DLL3: variants seen among roughly 807,000 people sequenced by gnomAD.
DLL3 encodes delta like canonical Notch ligand 3, also known as delta-like protein 3.
A neutral mutation model predicts 55.0 loss-of-function variants in DLL3; 49 were observed. The ratio of observed to expected loss-of-function variants is 0.89; its 90% CI spans 0.71 to 1.13. DLL3 has a LOEUF of 1.13. DLL3 is among the 50% of genes most tolerant of loss of function. The pLI is 0.00. For missense variants in DLL3, 962 were observed against 875.5 expected (o/e 1.10, Z -1.25); for synonymous variants, 421 against 385.2 (o/e 1.09, Z -1.09).
rs1234536601 is a variant in DLL3, at chr19:39,502,822, C to G, written c.417C>G (p.Ala139=). 1 of 1,419,114 alleles carries G rather than the reference C, an allele frequency of 7.0e-7. No homozygotes were observed. Among genetic ancestry groups the G allele is most frequent in the African/African-American group, 1.5e-5 (1 of 67,068 alleles). The allele number at this position is 1,419,114 out of a possible 1,614,324, so 87.9% of individuals were successfully genotyped here. The part of the protein sequence containing the change: ...EELGDQIGGP[A]WSLLARVAGR... ...CTTTGCCTGTCCTCGCAGGGCCCGC[C>G]TGGAGCCTGCTGGCGCGCGTGGCTG... The change falls in exon 4 of 9, where the codon GCC becomes GCG. Residue 139 remains alanine, a synonymous_variant. Coordinates refer to ENST00000356433, the MANE Select transcript of DLL3 (RefSeq NM_203486.3).
In DLL3 at chr19:39,499,419, T is replaced by C. The variant is rs779324408; in HGVS notation, c.297T>C (p.Pro99=). ...VYTEQPGAPA[P]DLPLPDGLLQ... Reference sequence around the variant, plus strand: ...CCGAGCAGCCCGGAGCGCCCGCGCCTGATCTCCCACTGCCCGACGGCCTCT... The same window carrying C: ...CCGAGCAGCCCGGAGCGCCCGCGCCCGATCTCCCACTGCCCGACGGCCTCT... The change falls in exon 2 of 9, where the codon CCT becomes CCC. Residue 99 remains proline (P), a synonymous_variant. Transcript: ENST00000356433. 1.3e-6 allele frequency: 2 copies of C among 1,589,616 alleles called. No homozygotes were observed. The highest frequency in any genetic ancestry group is 3.4e-5 in the Admixed American group (2 of 58,976).
chr19:39,503,887 C>T (rs1376838968), intron 4 of DLL3, among the ~76,000 whole-genome samples, 184 bp from the exon 5 acceptor site: 3 of 152,212 alleles, frequency 2.0e-5, no homozygotes, highest in East Asian at 1.9e-4. Flanking sequence ...CTGTGGGCCT[C>T]AGTTTCCCTA....
In DLL3 at chr19:39,503,001, G is replaced by T. The variant is rs1260182172; in HGVS notation, c.596G>T (p.Arg199Leu). ...TGCCGTCCGCGCAGCGCCCCCTCGC[G>T]GTGCGGTCCGGGACTGCGCCCCTGC... ...RLCRPRSAPS[R>L]CGPGLRPCAP... The change falls in exon 4 of 9, where the codon CGG becomes CTG. Residue 199 changes from arginine (R) to leucine (L), a missense_variant. Coordinates refer to ENST00000356433, the MANE Select transcript of DLL3 (RefSeq NM_203486.3). The T allele has an allele frequency of 1.3e-6, 2 of 1,484,256 alleles. No individual in the cohort carries two copies. Among genetic ancestry groups the T allele is most frequent in the Non-Finnish European group, 1.8e-6 (2 of 1,125,272 alleles). 91.9% of individuals were successfully genotyped at this position (1,484,256 alleles called of 1,614,324 possible). A position where few individuals can be genotyped will look rare whatever the true frequency, so the allele number is the denominator to read the frequency against.
chr19:39,502,904 G>A lies in DLL3; in HGVS notation c.499G>A (p.Ala167Thr). Residue 167 changes from alanine (A) to threonine (T), a missense_variant, in exon 4 of 9, where the codon GCC (alanine) becomes ACC (threonine). Coordinates refer to ENST00000356433, the MANE Select transcript of DLL3 (RefSeq NM_203486.3). The stretch of plus-strand genomic sequence containing the variant: ...GGCCCGGGACATTCAGCGCGCAGGC[G>A]CCTGGGAGCTGCGCTTCTCGTACCG... ...PWARDIQRAG[A>T]WELRFSYRAR... 1 of 1,444,808 alleles carries A rather than the reference G, an allele frequency of 6.9e-7. No homozygotes were observed. The highest frequency in any genetic ancestry group is 9.1e-7 in the Non-Finnish European group (1 of 1,104,164). The allele number at this position is 1,444,808 out of a possible 1,614,324, so 89.5% of individuals were successfully genotyped here.
At chr19:39,505,652 C>T in intron 6 of DLL3, 2 of 607,836 alleles carry the variant, frequency 3.3e-6, no homozygotes, top group Non-Finnish European at 5.8e-6. Context: ...TACTGTGTGC[C>T]AGGCCCTATT....
rs1171545445 is a variant in DLL3 at position 39,508,190 on chromosome 19, CGGGGAGGCA to C, written c.1759-51_1759-43del. The C allele has an allele frequency of 7.8e-5, 126 of 1,614,048 alleles. 3 individuals carry two copies. The South Asian group carries it at 1.3e-3, about 16-fold the overall frequency. ...GAGCTTTTCCACTGATTGTACTCAG[CGGGGAGGCA>C]GGGGAGGCAGAGGGGCAGCCTCTCT... On this transcript the variant is annotated intron_variant, in intron 8 of 8. Coordinates refer to ENST00000356433, the MANE Select transcript of DLL3 (RefSeq NM_203486.3).
Position 39,507,866 on chromosome 19 carries a change from C to A in DLL3, c.1710C>A (p.Asp570Glu). 2 of 1,614,138 alleles carry A rather than the reference C, an allele frequency of 1.2e-6. No individual in the cohort carries two copies. The highest frequency in any genetic ancestry group is 1.7e-6 in the Non-Finnish European group (2 of 1,180,024). The change falls in exon 8 of 9, where the codon GAC becomes GAA. Residue 570 changes from aspartate (D) to glutamate (E), a missense_variant. Coordinates refer to ENST00000356433, the MANE Select transcript of DLL3 (RefSeq NM_203486.3). ...SVDWNRPEDV[D>E]PQGIYVISAP... ...ATTGGAATCGCCCTGAAGATGTAGA[C>A]CCTCAAGGGATTTATGTCATATCTG...
chr19:39,507,586 A>T lies in DLL3; in HGVS notation c.1641A>T (p.Leu547=). 1 of 1,609,372 alleles carries T rather than the reference A, an allele frequency of 6.2e-7. No individual in the cohort carries two copies. Among genetic ancestry groups the T allele is most frequent in the Non-Finnish European group, 8.5e-7 (1 of 1,178,474 alleles). ...CACTCCCGGATGCACTCAACAACCT[A>T]AGGACGCAGGAGGGTTCCGGGGATG... ...VHALPDALNN[L]RTQEGSGDGP... Residue 547 remains leucine, a synonymous_variant, in exon 7 of 9, where the codon CTA becomes CTT. Coordinates refer to ENST00000356433, the MANE Select transcript of DLL3 (RefSeq NM_203486.3).
At chr19:39,501,935 C>T (rs1461406879) in intron 3 of DLL3, among the ~76,000 whole-genome samples, 2 of 152,222 alleles carry the variant, frequency 1.3e-5, no homozygotes, top group East Asian at 3.9e-4. Flanking sequence ...CCTGTAATCC[C>T]AGCACTTTGG....
chr19:39,499,156 C>G lies in DLL3; in HGVS notation c.70-36C>G, dbSNP rs767427874. 2.5e-6 allele frequency: 4 copies of G among 1,600,166 alleles called. No individual in the cohort carries two copies. The South Asian group carries it at 3.3e-5, about 13-fold the overall frequency. ...GGGGCGGACGGGAAGCCTGGGTCCT[C>G]CCGGCCGCCTCACCCTGCGCCCGTC... is the stretch of plus-strand genomic sequence containing the variant. On this transcript the variant is annotated intron_variant, in intron 1 of 8. Coordinates refer to ENST00000356433, the MANE Select transcript of DLL3 (RefSeq NM_203486.3).
chr19:39,499,538 T>C, intron 2 of DLL3, 65 bp downstream of exon 2: 1 of 1,534,280 alleles, frequency 6.5e-7, no homozygotes, highest in Non-Finnish European at 8.7e-7. Context: ...AACCTCCACC[T>C]CCTCTCCCCT....
chr19:39,498,988 G>A lies in DLL3; in HGVS notation c.14G>A (p.Arg5Gln). The change falls in exon 1 of 9, where the codon CGG becomes CAG. Residue 5 changes from arginine to glutamine, a missense_variant. Transcript: ENST00000356433. MVSP[R>Q]MSGLLSQTVI... Reference sequence around the variant, plus strand: ...CACCAGAAGGCCATGGTCTCCCCACGGATGTCCGGGCTCCTCTCCCAGACT... The same window carrying A: ...CACCAGAAGGCCATGGTCTCCCCACAGATGTCCGGGCTCCTCTCCCAGACT... 5 of 1,613,954 alleles carry A rather than the reference G, an allele frequency of 3.1e-6. No homozygotes were observed. The highest frequency in any genetic ancestry group is 4.2e-6 in the Non-Finnish European group (5 of 1,179,986).
At position 39,507,870 on chromosome 19, in the gene DLL3, C is replaced by T; in HGVS notation, c.1714C>T (p.Gln572Ter). 4 of 1,614,158 alleles carry T rather than the reference C, an allele frequency of 2.5e-6. No individual in the cohort carries two copies. Among genetic ancestry groups the T allele is most frequent in the Middle Eastern group, 1.6e-4 (1 of 6,062 alleles). ...GAATCGCCCTGAAGATGTAGACCCT[C>T]AAGGGATTTATGTCATATCTGCTCC... ...DWNRPEDVDP[Q>*]GIYVISAPSI... The change falls in exon 8 of 9, where the codon CAA becomes TAA. Residue 572 changes from glutamine to a stop codon, truncating the protein, a stop_gained. Transcript: ENST00000356433. LOFTEE classifies it high-confidence loss of function.
In DLL3 at chr19:39,507,418, C is replaced by A; in HGVS notation, c.1473C>A (p.Tyr491Ter). The A allele has an allele frequency of 1.3e-6, 2 of 1,590,936 alleles. No homozygotes were observed. Among genetic ancestry groups the A allele is most frequent in the Non-Finnish European group, 1.7e-6 (2 of 1,170,470 alleles). ...TCAGGCCCGGGGACCCTCAGCGCTA[C>A]CTTTTGCCTCCGGCTCTGGGACTGC... ...PGLRPGDPQR[Y>*]LLPPALGLLV... Residue 491 changes from tyrosine (Y) to a stop codon, truncating the protein, a stop_gained, in exon 7 of 9, where the codon TAC (tyrosine) becomes TAA (stop). Coordinates refer to ENST00000356433, the MANE Select transcript of DLL3 (RefSeq NM_203486.3). LOFTEE classifies it high-confidence loss of function.
At chr19:39,503,987 C>T in intron 4 of DLL3, 84 bp from the exon 5 acceptor site, 8 of 1,410,054 alleles carry the variant, frequency 5.7e-6, no homozygotes, top group Non-Finnish European at 7.9e-6. Context: ...GGAACGTGCT[C>T]AGAAACCTCC....
At position 39,503,654 on chromosome 19, in the gene DLL3, AATCCAG is replaced by A. The variant is rs1255170977; in HGVS notation, c.653-413_653-408del. Among the ~76,000 whole-genome samples the A allele has an allele frequency of 2.6e-5, 4 of 152,296 alleles. No homozygotes were observed. The East Asian group carries it at 7.7e-4, about 29-fold the overall frequency. ...CCAAGGCCCCTAGGACTCCCAGGCT[AATCCAG>A]ATCTTCTCAGAGCCACCCTAATTCA... On this transcript the variant is annotated intron_variant, in intron 4 of 8. Transcript: ENST00000356433.
At position 39,507,294 on chromosome 19, in the gene DLL3, G is replaced by T. The variant is rs746479806; in HGVS notation, c.1349G>T (p.Gly450Val). ...HGGRCYAHFS[G>V]LVCACAPGYM... ...GGCCGCTGCTACGCCCACTTCTCCG[G>T]CCTCGTCTGCGCTTGCGCTCCCGGC... is the stretch of plus-strand genomic sequence containing the variant. Residue 450 changes from glycine to valine, a missense_variant, in exon 7 of 9, where the codon GGC becomes GTC. Physicochemically the swap from Gly to Val is moderately radical, Grantham distance 109. Coordinates refer to ENST00000356433, the MANE Select transcript of DLL3 (RefSeq NM_203486.3). 5.2e-6 allele frequency: 8 copies of T among 1,548,946 alleles called. No homozygotes were observed. In the Admixed American group the frequency reaches 7.6e-5, roughly 15 times the overall value.
intron 2 of DLL3, among the ~76,000 whole-genome samples, chr19:39,500,402 G>C (rs1276365729): frequency 6.8e-6 from 1 of 147,078 alleles, no homozygotes; most frequent in Non-Finnish European, 1.5e-5. Context: ...CTCCAGCCTG[G>C]TTGACAAAGT....
chr19:39,501,814 T>A (rs2079610721), intron 3 of DLL3, among the ~76,000 whole-genome samples: 1 of 152,174 alleles, frequency 6.6e-6, no homozygotes, highest in African/African-American at 2.4e-5. Flanking sequence ...ACTTCAGACA[T>A]GTTATTGTTC....
Sources: gnomAD v4.1 joint callset for allele counts (sites outside exome capture counted in the v4.1 genomes callset) on GRCh38, gnomAD v4.1.1 for gene constraint, MANE v1.5 for transcripts, NCBI Gene and HGNC (gene_info 2026-07-23, HGNC 2026-07-21) for gene names.